DAAM2: variants seen among roughly 807,000 people sequenced by gnomAD.
DAAM2 encodes disheveled-associated activator of morphogenesis 2.
A neutral mutation model predicts 120.7 loss-of-function variants in DAAM2; 39 were observed. That is an observed-to-expected ratio of 0.32 (90% CI 0.25 to 0.42). The LOEUF (loss-of-function observed/expected upper bound fraction) is 0.42, where lower values mean the gene tolerates loss of function less well. Among genes scored for constraint, DAAM2 ranks in the 10% least tolerant of loss-of-function variants. The pLI, the probability that DAAM2 is intolerant of heterozygous loss-of-function variation, is 1.00. For missense variants in DAAM2, 1,283 were observed against 1,401.7 expected, an observed-to-expected ratio of 0.92 and a Z score of 1.35; for synonymous variants, 488 against 524.9, an observed-to-expected ratio of 0.93 and a Z score of 0.96.
intron 1 of DAAM2, among the ~76,000 whole-genome samples, chr6:39,842,262 T>A (rs542594620): frequency 5.0e-4 from 76 of 152,344 alleles, no homozygotes; most frequent in African/African-American, 1.8e-3. Flanking sequence ...GAGGACCTGC[T>A]GCACACATTC....
chr6:39,803,762 G>C (rs866294376), intron 1 of DAAM2, among the ~76,000 whole-genome samples: 12 of 152,176 alleles, frequency 7.9e-5, no homozygotes, highest in Non-Finnish European at 1.8e-4. Context: ...TGCAGGCTGT[G>C]GGGTGGGGGC....
chr6:39,896,588 A>T (rs1766106650), intron 19 of DAAM2, among the ~76,000 whole-genome samples: 1 of 152,218 alleles, frequency 6.6e-6, no homozygotes, highest in South Asian at 2.1e-4. Flanking sequence ...CAAATGGGGT[A>T]TCTGGTGAAT....
chr6:39,800,387 C>T (rs1227952943), intron 1 of DAAM2, among the ~76,000 whole-genome samples: 1 of 152,180 alleles, frequency 6.6e-6, no homozygotes, highest in Non-Finnish European at 1.5e-5. Flanking sequence ...AGGCTTACCT[C>T]CTTGGAGCTC....
chr6:39,809,817 C>A (rs1276455108), intron 1 of DAAM2, among the ~76,000 whole-genome samples: 1 of 152,176 alleles, frequency 6.6e-6, no homozygotes, highest in Non-Finnish European at 1.5e-5. Context: ...GAACAGAAAC[C>A]TGGCTAGAGT....
intron 1 of DAAM2, among the ~76,000 whole-genome samples, chr6:39,844,976 A>G (rs1763503616): frequency 6.7e-6 from 1 of 148,228 alleles, no homozygotes; most frequent in African/African-American, 2.5e-5. Flanking sequence ...ATGTACACAA[A>G]CCCCATCACA....
intron 15 of DAAM2, 113 bp from the exon 16 acceptor site, chr6:39,887,373 T>TC (rs1276581554): frequency 7.4e-6 from 5 of 680,250 alleles, no homozygotes; most frequent in East Asian, 5.6e-5. Flanking sequence ...TCTTCCCCCT[T>TC]CCCCTCACAC....
At chr6:39,892,496 G>A (rs1451363740) in intron 19 of DAAM2, among the ~76,000 whole-genome samples, 6 of 152,184 alleles carry the variant, frequency 3.9e-5, no homozygotes, top group Admixed American at 2.6e-4. Context: ...GGGGCTGCCT[G>A]TGCTGATGGC....
chr6:39,896,302 A>G (rs1227322207), intron 19 of DAAM2, among the ~76,000 whole-genome samples: 1 of 151,868 alleles, frequency 6.6e-6, no homozygotes, highest in East Asian at 1.9e-4. Flanking sequence ...TCCTGGGTTC[A>G]AGGGACTCTT....
intron 1 of DAAM2, among the ~76,000 whole-genome samples, chr6:39,847,933 C>T (rs1247271115): frequency 6.6e-6 from 1 of 152,222 alleles, no homozygotes; most frequent in Non-Finnish European, 1.5e-5. Context: ...GCACTCAAGG[C>T]CCTCCTTTTT....
intron 1 of DAAM2, among the ~76,000 whole-genome samples, chr6:39,829,532 G>C (rs1762801861): frequency 6.6e-6 from 1 of 152,302 alleles, no homozygotes; most frequent in Middle Eastern, 3.4e-3. Context: ...CAGTTGGAGA[G>C]TTTATAGCCT....
intron 1 of DAAM2, among the ~76,000 whole-genome samples, chr6:39,812,282 G>A (rs1033312224): frequency 3.0e-4 from 46 of 152,306 alleles, no homozygotes; most frequent in African/African-American, 9.9e-4. Flanking sequence ...CTCACTAGGT[G>A]CCAGACACTG....
intron 2 of DAAM2, 44 bp downstream of exon 2, chr6:39,856,514 G>T: frequency 2.2e-6 from 3 of 1,371,220 alleles, no homozygotes; most frequent in Non-Finnish European, 2.9e-6. Flanking sequence ...GGGGAGGAGG[G>T]TGGATGGAGA....
intron 1 of DAAM2, among the ~76,000 whole-genome samples, chr6:39,811,634 C>T (rs1762164349): frequency 6.6e-6 from 1 of 152,192 alleles, no homozygotes; most frequent in Admixed American, 6.5e-5. Flanking sequence ...TGAAAGAAAA[C>T]TGTTTTCTTT....
chr6:39,874,940 C>A (rs775319196), intron 10 of DAAM2, among the ~76,000 whole-genome samples: 12 of 152,166 alleles, frequency 7.9e-5, no homozygotes, highest in Non-Finnish European at 1.0e-4. Context: ...TTAAAAAAAA[C>A]TTCCCTGGAG....
intron 1 of DAAM2, among the ~76,000 whole-genome samples, chr6:39,795,426 G>A (rs1450403202): frequency 3.9e-5 from 6 of 152,124 alleles, no homozygotes; most frequent in African/African-American, 1.4e-4. Context: ...AGAGAGAACT[G>A]TGACCTAAAT....
intron 1 of DAAM2, among the ~76,000 whole-genome samples, chr6:39,818,195 A>AC (rs1762368759): frequency 2.0e-5 from 3 of 146,624 alleles, no homozygotes; most frequent in Admixed American, 6.7e-5. Flanking sequence ...AAAAAAAAAA[A>AC]AAAAAAAAAA....
chr6:39,855,697 C>T (rs1281982609), intron 1 of DAAM2, among the ~76,000 whole-genome samples: 9 of 152,190 alleles, frequency 5.9e-5, no homozygotes, highest in African/African-American at 9.6e-5. Flanking sequence ...TGTAGTCTTC[C>T]GTCTTCCTCC....
At chr6:39,899,926 G>A in intron 22 of DAAM2, 151 bp from the exon 23 acceptor site, 1 of 852,540 alleles carries the variant, frequency 1.2e-6, no homozygotes, top group Non-Finnish European at 1.7e-6. Flanking sequence ...TTAGCTCATA[G>A]TCTTTGCCAT....
At position 39,853,317 on chromosome 6, in the gene DAAM2, G is replaced by A. The variant is rs1442345587; in HGVS notation, c.-56-2930G>A. On this transcript the variant is annotated intron_variant, in intron 1 of 24. Coordinates refer to ENST00000274867, the MANE Select transcript of DAAM2 (RefSeq NM_001201427.2). ...GAAAGACTTAGGGTTTGGTTGGGAG[G>A]GCATTGTCCTCAGGAGCATAAACAT... 2.6e-5 allele frequency among the ~76,000 whole-genome samples: 4 copies of A among 152,266 alleles called. No homozygotes were observed. In the South Asian group the frequency reaches 6.2e-4, roughly 24 times the overall value.
Sources: gnomAD v4.1 joint callset for allele counts (sites outside exome capture counted in the v4.1 genomes callset) on GRCh38, gnomAD v4.1.1 for gene constraint, MANE v1.5 for transcripts, NCBI Gene and HGNC (gene_info 2026-07-23, HGNC 2026-07-21) for gene names.